The following ZNF626 variants were observed in gnomAD, a reference collection of about 807,000 sequenced individuals.
ZNF626 encodes CTC-513N18.7.
ZNF626 carries 4 observed loss-of-function variants against 11.7 expected under a neutral mutation model. The observed-to-expected ratio is 0.34, with a 90% CI of 0.17 to 0.78. The LOEUF is 0.78. ZNF626 is among the 30% of genes least tolerant of loss of function. The pLI, the probability that ZNF626 is intolerant of heterozygous loss-of-function variation, is 0.57. For synonymous variants in ZNF626, 179 were observed against 198.6 expected, an observed-to-expected ratio of 0.90 and a Z score of 0.83; for missense variants, 588 against 587.1, an observed-to-expected ratio of 1.00 and a Z score of -0.01.
At chr19:20,626,863 A>C (rs1293750429) in intron 3 of ZNF626, among the ~76,000 whole-genome samples, 2 of 152,064 alleles carry the variant, frequency 1.3e-5, no homozygotes, top group Non-Finnish European at 2.9e-5. Flanking sequence ...AAAAATACAA[A>C]AAATTAGCTG....
chr19:20,642,625 CA>C (rs1322427022), intron 3 of ZNF626, among the ~76,000 whole-genome samples: 32 of 151,984 alleles, frequency 2.1e-4, no homozygotes, highest in African/African-American at 7.7e-4. Flanking sequence ...CAACAACAAA[CA>C]AAAAAACTAC....
At chr19:20,643,082 G>GT (rs1970040748) in intron 3 of ZNF626, among the ~76,000 whole-genome samples, 1 of 151,932 alleles carries the variant, frequency 6.6e-6, no homozygotes, top group Non-Finnish European at 1.5e-5. Context: ...TCATATACAG[G>GT]TATTTTGAAT....
intron 3 of ZNF626, among the ~76,000 whole-genome samples, chr19:20,633,605 A>T (rs1969933681): frequency 6.6e-6 from 1 of 152,172 alleles, no homozygotes; most frequent in Non-Finnish European, 1.5e-5. Flanking sequence ...GAGGGATATA[A>T]TATCCTGGTG....
rs188714509 is a variant in ZNF626, at chr19:20,654,989, G to A, written c.3+6455C>T. Among the ~76,000 whole-genome samples the A allele has an allele frequency of 5.2e-3, 795 of 151,824 alleles. 5 individuals are homozygous for A. Among genetic ancestry groups the A allele is most frequent in the South Asian group, 0.011 (53 of 4,804 alleles). On this transcript the variant is annotated intron_variant, in intron 1 of 3. Coordinates refer to ENST00000601440, the MANE Select transcript of ZNF626 (RefSeq NM_001076675.3). ...CAGCCAGGCATGGTGATGCATGCCTGTAAACCCAGCTACTCAGGGTACTGA... is the reference window on the plus strand; with the variant it reads ...CAGCCAGGCATGGTGATGCATGCCTATAAACCCAGCTACTCAGGGTACTGA...
At chr19:20,657,250 C>T (rs1555773214) in intron 1 of ZNF626, among the ~76,000 whole-genome samples, 5 of 152,012 alleles carry the variant, frequency 3.3e-5, no homozygotes, top group African/African-American at 1.2e-4. Flanking sequence ...GTAATGCATA[C>T]GTGTGTAGTC....
chr19:20,636,386 T>G (rs550487964), intron 3 of ZNF626, among the ~76,000 whole-genome samples: 29 of 151,722 alleles, frequency 1.9e-4, no homozygotes, highest in Non-Finnish European at 3.7e-4. Flanking sequence ...TAATATAAAC[T>G]AAAAAATCAA....
At chr19:20,628,703 T>C (rs1350711750) in intron 3 of ZNF626, among the ~76,000 whole-genome samples, 3 of 152,240 alleles carry the variant, frequency 2.0e-5, no homozygotes, top group South Asian at 4.1e-4. Flanking sequence ...GATGAGCAGG[T>C]TGCAAAAATT....
At chr19:20,637,226 T>C (rs539947091) in intron 3 of ZNF626, among the ~76,000 whole-genome samples, 2 of 152,108 alleles carry the variant, frequency 1.3e-5, no homozygotes, top group Admixed American at 6.6e-5. Flanking sequence ...CAGTGGCTCA[T>C]GCCTGTAAGC....
intron 3 of ZNF626, among the ~76,000 whole-genome samples, chr19:20,629,754 A>G (rs1256285686): frequency 2.6e-5 from 4 of 152,094 alleles, no homozygotes; most frequent in African/African-American, 9.7e-5. Flanking sequence ...TCTTTTCCTA[A>G]TTGAATACAC....
intron 1 of ZNF626, among the ~76,000 whole-genome samples, chr19:20,653,899 GT>G (rs1970176086): frequency 3.9e-5 from 6 of 152,042 alleles, no homozygotes. Context: ...TAGTTTTTGG[GT>G]GGCCACATCA....
At chr19:20,647,574 C>G (rs1175048078) in intron 1 of ZNF626, among the ~76,000 whole-genome samples, 6 of 150,330 alleles carry the variant, frequency 4.0e-5, no homozygotes, top group Non-Finnish European at 8.8e-5. Context: ...GCAAGCTCCA[C>G]CTCCCAGGTT....
At chr19:20,643,844 A>T (rs1444425385) in intron 3 of ZNF626, among the ~76,000 whole-genome samples, 1 of 152,194 alleles carries the variant, frequency 6.6e-6, no homozygotes, top group Non-Finnish European at 1.5e-5. Context: ...TCTAAGAGAG[A>T]TGTGAGATCC....
chr19:20,648,175 CAAAA>C (rs34417157), intron 1 of ZNF626, among the ~76,000 whole-genome samples: 4 of 104,098 alleles, frequency 3.8e-5, no homozygotes, highest in African/African-American at 6.7e-5. Context: ...GACTCCGTGT[CAAAA>C]AAAAAAAAAA....
chr19:20,628,176 T>A lies in ZNF626; in HGVS notation c.227-2526A>T, dbSNP rs535552703. 5.4e-4 allele frequency among the ~76,000 whole-genome samples: 82 copies of A among 151,852 alleles called. 1 individual carries two copies. The highest frequency in any genetic ancestry group is 4.2e-3 in the South Asian group (20 of 4,816). On this transcript the variant is annotated intron_variant, in intron 3 of 3. Coordinates refer to ENST00000601440, the MANE Select transcript of ZNF626 (RefSeq NM_001076675.3). ...TGCCACATTTTCCTAATCCAGTCTA[T>A]CGTTGTTGGACATTTAGGTTGGTTC...
intron 3 of ZNF626, among the ~76,000 whole-genome samples, chr19:20,636,786 C>T (rs1490627195): frequency 3.3e-5 from 5 of 152,112 alleles, no homozygotes; most frequent in African/African-American, 1.2e-4. Flanking sequence ...TTTGGGAGGC[C>T]AAGGTGGGTG....
intron 3 of ZNF626, among the ~76,000 whole-genome samples, chr19:20,631,040 T>C (rs1221923046): frequency 4.6e-5 from 7 of 152,190 alleles, no homozygotes; most frequent in Non-Finnish European, 8.8e-5. Flanking sequence ...TACCCAGTAG[T>C]CATTCAGGAG....
rs1239084810 is a variant in ZNF626 at position 20,622,361 on chromosome 19, C to T, written c.*1929G>A. 1 of 152,092 alleles carries T rather than the reference C, an allele frequency of 6.6e-6. No homozygotes were observed. The highest frequency in any genetic ancestry group is 2.4e-5 in the African/African-American group (1 of 41,404). The allele number at this position is 152,092 out of a possible 1,614,324, so 9.4% of individuals were successfully genotyped here. The stretch of plus-strand genomic sequence containing the variant: ...TAATGTAGAAAAGTATTACTCTGAA[C>T]ACCTACCTTAAACATTACTTAATAT... On this transcript the variant is annotated 3_prime_UTR_variant, in exon 4 of 4. Transcript: ENST00000601440.
rs74172355 is a variant in ZNF626 at position 20,650,246 on chromosome 19, T to TAAAAAA, written c.4-3847_4-3842dup. ...TCTGTTTCTCTGCCATCAAATTTGT[T>TAAAAAA]AAAAAAAAAAACCATAAAAAATTAA... is the stretch of plus-strand genomic sequence containing the variant. On this transcript the variant is annotated intron_variant, in intron 1 of 3. Transcript: ENST00000601440. 4.1e-5 allele frequency among the ~76,000 whole-genome samples: 6 copies of TAAAAAA among 144,826 alleles called. No individual in the cohort carries two copies. The East Asian group carries it at 7.9e-4, about 19-fold the overall frequency.
At chr19:20,629,576 C>T (rs1424035219) in intron 3 of ZNF626, among the ~76,000 whole-genome samples, 1 of 151,922 alleles carries the variant, frequency 6.6e-6, no homozygotes, top group African/African-American at 2.4e-5. Context: ...TGATTTGGCT[C>T]TCTGTCTGTT....
Sources: gnomAD v4.1 joint callset for allele counts (sites outside exome capture counted in the v4.1 genomes callset) on GRCh38, gnomAD v4.1.1 for gene constraint, MANE v1.5 for transcripts, NCBI Gene and HGNC (gene_info 2026-07-23, HGNC 2026-07-21) for gene names.